Variants in ZDHHC23 observed in about 807,000 individuals in gnomAD.
The protein encoded by ZDHHC23 is palmitoyltransferase ZDHHC23.
In ZDHHC23, 41 loss-of-function variants were observed where a neutral mutation model predicts 40.2. That is an observed-to-expected ratio of 1.02 (90% CI 0.79 to 1.32). ZDHHC23 has a LOEUF of 1.32. Ranked by LOEUF, ZDHHC23 falls within the 40% of genes most tolerant of loss-of-function variation. The pLI is 0.00. For synonymous variants in ZDHHC23, 204 were observed against 210.2 expected (o/e 0.97, Z 0.26); for missense variants, 471 against 541.5 (o/e 0.87, Z 1.29).
At chr3:113,949,533 G>T (rs1938462509) in intron 2 of ZDHHC23, among the ~76,000 whole-genome samples, 1 of 152,080 alleles carries the variant, frequency 6.6e-6, no homozygotes, top group South Asian at 2.1e-4. Context: ...ACTGTATTTG[G>T]CTTTTATTTT....
In ZDHHC23 at chr3:113,948,799, A is replaced by G. The variant is rs1197300331; in HGVS notation, c.-4A>G. The G allele has an allele frequency of 4.5e-5, 72 of 1,614,008 alleles. No individual in the cohort carries two copies. Among genetic ancestry groups the G allele is most frequent in the Non-Finnish European group, 6.1e-5 (72 of 1,180,040 alleles). ...CTTACGCCTCATGGTGACAGGTGCA[A>G]ATCATGACACAGAAGGGCAGTATGA... On this transcript the variant is annotated 5_prime_UTR_variant, in exon 2 of 5. Transcript: ENST00000638807.
the ZDHHC23 span, among the ~76,000 whole-genome samples, chr3:113,973,054 G>C: frequency 7.2e-5 from 11 of 152,216 alleles, no homozygotes; most frequent in East Asian, 1.9e-3. Context: ...TTTATATTCA[G>C]TTATTGATAA....
At chr3:113,979,218 G>A in the ZDHHC23 span, among the ~76,000 whole-genome samples, 1 of 152,134 alleles carries the variant, frequency 6.6e-6, no homozygotes. Flanking sequence ...GCCTTTCAAT[G>A]CCAGCTCCCT....
rs545455071 is a variant in ZDHHC23, at chr3:113,958,789, C to T, written c.*159C>T. The T allele has an allele frequency of 7.9e-5, 120 of 1,520,190 alleles. No homozygotes were observed. The Admixed American group carries it at 8.0e-4, about 10-fold the overall frequency. The allele number at this position is 1,520,190 out of a possible 1,614,324, so 94.2% of individuals were successfully genotyped here. On this transcript the variant is annotated 3_prime_UTR_variant, in exon 5 of 5. Transcript: ENST00000638807. ...AGTGGGAAGAAGTTAATTTTTCTGA[C>T]GCCACAACTTAAGAGACTTTTATAC...
rs1577276797 is a variant in ZDHHC23, at chr3:113,960,585, T to G, written c.*1955T>G. 1 of 1,530,270 alleles carries G rather than the reference T, an allele frequency of 6.5e-7. No homozygotes were observed. Among genetic ancestry groups the G allele is most frequent in the East Asian group, 2.5e-5 (1 of 40,576 alleles). 94.8% of individuals were successfully genotyped at this position (1,530,270 alleles called of 1,614,324 possible). ...ATTGATAGAAACATTAGTCAGTAATTTTAGCTTCTTGCCAAATTGTTCACA... is the reference window on the plus strand; with the variant it reads ...ATTGATAGAAACATTAGTCAGTAATGTTAGCTTCTTGCCAAATTGTTCACA... On this transcript the variant is annotated 3_prime_UTR_variant, in exon 5 of 5. Transcript: ENST00000638807.
chr3:113,948,526 G>C, intron 1 of ZDHHC23, 160 bp from the exon 2 acceptor site: 1 of 364,082 alleles, frequency 2.7e-6, no homozygotes, highest in Non-Finnish European at 5.0e-6. Flanking sequence ...CATAGGAACG[G>C]CTGGTGCCCA....
chr3:113,970,916 C>CTT, the ZDHHC23 span, among the ~76,000 whole-genome samples: 3 of 152,120 alleles, frequency 2.0e-5, no homozygotes, highest in African/African-American at 7.2e-5. Context: ...TTTATGGCTG[C>CTT]TTAGTATTCC....
the ZDHHC23 span, among the ~76,000 whole-genome samples, chr3:113,970,896 C>G: frequency 6.6e-6 from 1 of 152,142 alleles, no homozygotes; most frequent in African/African-American, 2.4e-5. Flanking sequence ...AGGACATGAA[C>G]TCATCATTTT....
the ZDHHC23 span, chr3:113,978,893 T>G: frequency 6.2e-7 from 1 of 1,614,006 alleles, no homozygotes; most frequent in South Asian, 1.1e-5. Flanking sequence ...TTAAGCAGTA[T>G]TTGGGAATAA....
chr3:113,970,486 C>G, the ZDHHC23 span, among the ~76,000 whole-genome samples: 1 of 152,030 alleles, frequency 6.6e-6, no homozygotes, highest in Admixed American at 6.6e-5. Context: ...TTTCTCTTGT[C>G]TAACTGCTCT....
Position 113,955,363 on chromosome 3 carries a change from T to C in ZDHHC23, c.872+953T>C, listed in dbSNP as rs913563509. Among the ~76,000 whole-genome samples, 48 of 135,542 alleles carry C rather than the reference T, an allele frequency of 3.5e-4. 1 individual carries two copies. The highest frequency in any genetic ancestry group is 1.4e-4 in the Non-Finnish European group (9 of 64,098). The allele number at this position is 135,542 out of a possible 152,430, so 88.9% of individuals were successfully genotyped here. The stretch of plus-strand genomic sequence containing the variant: ...ACTTCTGTGTCTTCACTTATTCGTG[T>C]GTGTGTGTGTGTGTGTGTGTGTGTG... On this transcript the variant is annotated intron_variant, in intron 3 of 4. Coordinates refer to ENST00000638807, the MANE Select transcript of ZDHHC23 (RefSeq NM_001320466.2).
At position 113,958,502 on chromosome 3, in the gene ZDHHC23, G is replaced by A; in HGVS notation, c.1180G>A (p.Gly394Arg). The A allele has an allele frequency of 6.2e-7, 1 of 1,614,018 alleles. No homozygotes were observed. The highest frequency in any genetic ancestry group is 1.1e-5 in the South Asian group (1 of 91,082). The change falls in exon 5 of 5, where the codon GGG becomes AGG. Residue 394 changes from glycine to arginine, a missense_variant. By Grantham distance (125) the Gly-to-Arg change is moderately radical (BLOSUM62 -2). This residue lies in a region of ZDHHC23 where 346 missense variants were observed against 399.8 expected (regional missense o/e 0.87). Coordinates refer to ENST00000638807, the MANE Select transcript of ZDHHC23 (RefSeq NM_001320466.2). ...CCAGCAGGCCCTCCGACAGAAGACT[G>A]GGCGCCGGCTCCTCTGCGGGCTCAT... ...EVQQALRQKT[G>R]RRLLCGLIVD...
chr3:113,972,334 C>T, the ZDHHC23 span, among the ~76,000 whole-genome samples: 1 of 151,812 alleles, frequency 6.6e-6, no homozygotes, highest in Admixed American at 6.6e-5. Context: ...CTTCATTGAC[C>T]CATTGGTTGT....
intron 3 of ZDHHC23, among the ~76,000 whole-genome samples, chr3:113,954,728 A>C (rs1939008295): frequency 6.6e-6 from 1 of 152,180 alleles, no homozygotes; most frequent in Non-Finnish European, 1.5e-5. Context: ...ATTTTTTAAA[A>C]AAAGAATTGA....
chr3:113,967,437 T>C, downstream of ZDHHC23, among the ~76,000 whole-genome samples: 1 of 152,134 alleles, frequency 6.6e-6, no homozygotes, highest in East Asian at 1.9e-4. Flanking sequence ...TTCCCTGAAC[T>C]CCTAAAACAT....
At chr3:113,965,523 AAAAT>A (rs1351787930), downstream of ZDHHC23, 31 of 409,896 alleles carry the variant, frequency 7.6e-5, no homozygotes, top group Non-Finnish European at 1.3e-4. Context: ...TGCTGTGAAA[AAAAT>A]AAGGCAACAA....
In ZDHHC23 at chr3:113,959,468, TA is replaced by T. The variant is rs956228267; in HGVS notation, c.*841del. Reference sequence around the variant, plus strand: ...TTATAAATTCTGCTTGGGTTTCTTATAAATAACTCCAACAGGCATTCATGTG... The same window carrying T: ...TTATAAATTCTGCTTGGGTTTCTTATAATAACTCCAACAGGCATTCATGTG... On this transcript the variant is annotated 3_prime_UTR_variant, in exon 5 of 5. Coordinates refer to ENST00000638807, the MANE Select transcript of ZDHHC23 (RefSeq NM_001320466.2). 7 of 1,262,156 alleles carry T rather than the reference TA, an allele frequency of 5.5e-6. No homozygotes were observed. In the African/African-American group the frequency reaches 1.1e-4, roughly 19 times the overall value. The allele number at this position is 1,262,156 out of a possible 1,614,324, so 78.2% of individuals were successfully genotyped here.
Position 113,958,455 on chromosome 3 carries a change from A to G in ZDHHC23, c.1133A>G (p.Tyr378Cys). 1 of 1,614,160 alleles carries G rather than the reference A, an allele frequency of 6.2e-7. No homozygotes were observed. The highest frequency in any genetic ancestry group is 8.5e-7 in the Non-Finnish European group (1 of 1,180,026). The stretch of plus-strand genomic sequence containing the variant: ...CTGATCCAGCTGATCAACATCAGCT[A>G]CAATGTGACTGAGCGGGAAGTCCAG... Reference protein sequence around the residue: ...IFLIQLINISYNVTEREVQQA... With the variant: ...IFLIQLINISCNVTEREVQQA... The change falls in exon 5 of 5, where the codon TAC becomes TGC. Residue 378 changes from tyrosine to cysteine, a missense_variant. Coordinates refer to ENST00000638807, the MANE Select transcript of ZDHHC23 (RefSeq NM_001320466.2).
downstream of ZDHHC23, chr3:113,965,329 C>T: frequency 6.2e-7 from 1 of 1,608,948 alleles, no homozygotes. Flanking sequence ...CAAACTTCTT[C>T]CATGTCCGAA....
Sources: allele counts gnomAD v4.1 joint callset (sites outside exome capture counted in the v4.1 genomes callset), GRCh38; gene constraint gnomAD v4.1.1; regional missense constraint gnomAD v4.1.1; transcripts MANE v1.5; gene names NCBI Gene and HGNC (gene_info 2026-07-23, HGNC 2026-07-21).